ROBO1: variants seen among roughly 807,000 people sequenced by gnomAD.
ROBO1 encodes roundabout guidance receptor 1, also known as roundabout homolog 1.
ROBO1 carries 149 observed loss-of-function variants against 195.9 expected under a neutral mutation model. The observed-to-expected ratio is 0.76, with a 90% CI of 0.67 to 0.87. The LOEUF (loss-of-function observed/expected upper bound fraction) is 0.87, where lower values mean the gene tolerates loss of function less well. ROBO1 is among the 40% of genes least tolerant of loss of function. ROBO1 has a pLI of 0.00. For missense variants in ROBO1, 1,933 were observed against 2,068.3 expected (o/e 0.93, Z 1.27); for synonymous variants, 816 against 733.2 (o/e 1.11, Z -1.82).
At chr3:79,647,649 C>A (rs574357742) in intron 1 of ROBO1, among the ~76,000 whole-genome samples, 1 of 152,162 alleles carries the variant, frequency 6.6e-6, no homozygotes, top group Admixed American at 6.6e-5. Flanking sequence ...TCTACCCCCA[C>A]CACTAAACAA....
chr3:79,561,800 T>C (rs1422002727), intron 2 of ROBO1, among the ~76,000 whole-genome samples: 2 of 152,076 alleles, frequency 1.3e-5, no homozygotes, highest in Non-Finnish European at 2.9e-5. Context: ...AATGGCAAGA[T>C]GAAGACTGCA....
chr3:79,446,152 A>G (rs1401827717), intron 2 of ROBO1, among the ~76,000 whole-genome samples: 2 of 152,206 alleles, frequency 1.3e-5, no homozygotes, highest in Non-Finnish European at 2.9e-5. Flanking sequence ...CAACAAGGAT[A>G]TAAATATTCA....
chr3:79,728,012 G>A (rs1419343665), intron 1 of ROBO1, among the ~76,000 whole-genome samples: 3 of 151,974 alleles, frequency 2.0e-5, no homozygotes, highest in Non-Finnish European at 2.9e-5. Context: ...ACTTTTCAGT[G>A]GCTTCAAAAT....
At chr3:79,315,700 C>A (rs972452603) in intron 2 of ROBO1, among the ~76,000 whole-genome samples, 5 of 152,104 alleles carry the variant, frequency 3.3e-5, no homozygotes, top group Non-Finnish European at 7.3e-5. Context: ...AAAGTATCTA[C>A]CAGACTGCAA....
At chr3:79,633,181 GT>G (rs67578449) in intron 1 of ROBO1, among the ~76,000 whole-genome samples, 107,833 of 132,088 alleles carry the variant, frequency 0.82, 43,664 homozygotes, top group Admixed American at 0.85. Flanking sequence ...TATTTGCTGG[GT>G]TTTTTTTTTT....
intron 3 of ROBO1, among the ~76,000 whole-genome samples, chr3:78,972,061 C>T (rs530240207): frequency 4.9e-4 from 74 of 152,296 alleles, no homozygotes; most frequent in African/African-American, 1.6e-3. Context: ...CCGCCGCGCC[C>T]GGCCTTAAAT....
intron 18 of ROBO1, among the ~76,000 whole-genome samples, chr3:78,655,510 T>C (rs904218658): frequency 2.0e-5 from 3 of 152,338 alleles, no homozygotes; most frequent in Non-Finnish European, 2.9e-5. Context: ...ATCCTCAATG[T>C]GTGTGTGGAA....
Position 79,094,572 on chromosome 3 carries a change from G to A in ROBO1, c.172+30884C>T, listed in dbSNP as rs145883604. On this transcript the variant is annotated intron_variant, in intron 3 of 30. Transcript: ENST00000464233. ...AAGATTAAAAAATAATGAGATTGCC[G>A]AAGGCATTACTTAAATGCTCAAGGA... is the stretch of plus-strand genomic sequence containing the variant. Among the ~76,000 whole-genome samples the A allele has an allele frequency of 1.5e-3, 232 of 152,202 alleles. 1 individual carries two copies. The highest frequency in any genetic ancestry group is 0.01 in the Middle Eastern group (3 of 294).
intron 2 of ROBO1, among the ~76,000 whole-genome samples, chr3:79,316,756 A>C (rs1005722760): frequency 6.6e-6 from 1 of 151,814 alleles, no homozygotes; most frequent in Non-Finnish European, 1.5e-5. Flanking sequence ...TCTTTTACTT[A>C]TTTGCATTTT....
chr3:79,564,820 CTTATCAAATAA>C (rs1943040811), intron 2 of ROBO1, among the ~76,000 whole-genome samples: 1 of 151,930 alleles, frequency 6.6e-6, no homozygotes, highest in Non-Finnish European at 1.5e-5. Flanking sequence ...ATTAAAGGAA[CTTATCAAATAA>C]TATTAGCATT....
At chr3:79,514,548 G>T (rs976442033) in intron 2 of ROBO1, among the ~76,000 whole-genome samples, 1 of 151,958 alleles carries the variant, frequency 6.6e-6, no homozygotes, top group Non-Finnish European at 1.5e-5. Flanking sequence ...AAAATAATCT[G>T]TACTGGTCCT....
At chr3:78,757,016 C>A (rs144102579) in intron 4 of ROBO1, among the ~76,000 whole-genome samples, 1 of 152,156 alleles carries the variant, frequency 6.6e-6, no homozygotes, top group African/African-American at 2.4e-5. Flanking sequence ...CTCAGCCTCC[C>A]AAGTAGCTGG....
intron 4 of ROBO1, among the ~76,000 whole-genome samples, chr3:78,891,238 T>G (rs1362513160): frequency 6.6e-6 from 1 of 152,040 alleles, no homozygotes; most frequent in Admixed American, 6.6e-5. Flanking sequence ...TAGAAGGCAC[T>G]GGAGAGTGAC....
intron 8 of ROBO1, among the ~76,000 whole-genome samples, chr3:78,706,360 A>G (rs778678232): frequency 3.3e-5 from 5 of 152,208 alleles, no homozygotes; most frequent in African/African-American, 7.2e-5. Flanking sequence ...TAAAGTGAGT[A>G]GCAAGAAAGG....
At chr3:78,742,217 T>C (rs1411188231) in intron 5 of ROBO1, among the ~76,000 whole-genome samples, 1 of 152,146 alleles carries the variant, frequency 6.6e-6, no homozygotes, top group Non-Finnish European at 1.5e-5. Context: ...CAATCTTCAA[T>C]TGTCTTTCAT....
chr3:79,555,823 T>C (rs1942678598), intron 2 of ROBO1, among the ~76,000 whole-genome samples: 1 of 152,150 alleles, frequency 6.6e-6, no homozygotes, highest in African/African-American at 2.4e-5. Context: ...GCAAAAGTCA[T>C]TCTATTATGT....
intron 2 of ROBO1, among the ~76,000 whole-genome samples, chr3:79,129,373 T>C (rs537255634): frequency 1.3e-5 from 2 of 152,198 alleles, no homozygotes; most frequent in Admixed American, 6.6e-5. Flanking sequence ...ACTTACAATA[T>C]ATAAGGTTAT....
intron 2 of ROBO1, among the ~76,000 whole-genome samples, chr3:79,240,408 A>G (rs1008475530): frequency 1.9e-4 from 29 of 152,300 alleles, no homozygotes; most frequent in African/African-American, 6.5e-4. Context: ...AAACACAAAC[A>G]CAGGATTGTG....
intron 2 of ROBO1, among the ~76,000 whole-genome samples, chr3:79,507,086 G>A (rs1031421750): frequency 6.6e-6 from 1 of 152,190 alleles, no homozygotes; most frequent in Non-Finnish European, 1.5e-5. Flanking sequence ...TTTTACATAA[G>A]GGGATCAAAC....
Sources: gnomAD v4.1 joint callset for allele counts (sites outside exome capture counted in the v4.1 genomes callset) on GRCh38, gnomAD v4.1.1 for gene constraint, MANE v1.5 for transcripts, NCBI Gene and HGNC (gene_info 2026-07-23, HGNC 2026-07-21) for gene names.